The following DGKB variants were observed in gnomAD, a reference collection of about 807,000 sequenced individuals.
DGKB encodes 90 kDa diacylglycerol kinase.
Under a neutral mutation model 114.3 loss-of-function variants are expected in DGKB, and 67 were observed. The ratio of observed to expected loss-of-function variants is 0.59; its 90% CI spans 0.48 to 0.72. The LOEUF is 0.72. Ranked by LOEUF, DGKB falls within the 30% of genes least tolerant of loss-of-function variation. The pLI is 0.00. For missense variants in DGKB, 907 were observed against 975.2 expected, an observed-to-expected ratio of 0.93 and a Z score of 0.93; for synonymous variants, 398 against 323.1, an observed-to-expected ratio of 1.23 and a Z score of -2.49.
At chr7:14,878,766 A>AC (rs1320416506) in intron 1 of DGKB, among the ~76,000 whole-genome samples, 3 of 151,214 alleles carry the variant, frequency 2.0e-5, no homozygotes, top group East Asian at 3.9e-4. Flanking sequence ...AAAAAAAAAA[A>AC]AACAAAAAAA....
At chr7:14,219,148 T>C (rs975778824) in intron 23 of DGKB, among the ~76,000 whole-genome samples, 4 of 151,924 alleles carry the variant, frequency 2.6e-5, no homozygotes, top group Non-Finnish European at 5.9e-5. Flanking sequence ...GAATATACCA[T>C]ATTTTCTTTA....
At chr7:14,631,622 C>G (rs546813012) in intron 13 of DGKB, among the ~76,000 whole-genome samples, 64 of 152,080 alleles carry the variant, frequency 4.2e-4, no homozygotes, top group African/African-American at 1.5e-3. Context: ...TTTGGTAGAG[C>G]CTTTACTGAA....
chr7:14,965,362 G>A (rs1347510850), intron 1 of DGKB, among the ~76,000 whole-genome samples: 1 of 151,904 alleles, frequency 6.6e-6, no homozygotes, highest in Non-Finnish European at 1.5e-5. Context: ...TACGAGGAGG[G>A]GAATAGTTTT....
chr7:14,267,164 AG>A (rs532901476), intron 23 of DGKB, among the ~76,000 whole-genome samples: 71 of 152,342 alleles, frequency 4.7e-4, no homozygotes, highest in African/African-American at 1.6e-3. Context: ...TTTGACCAAA[AG>A]AAAAAAACAG....
intron 1 of DGKB, among the ~76,000 whole-genome samples, chr7:14,958,426 A>AACACACAC (rs754087921): frequency 0.054 from 6,657 of 122,734 alleles, 267 homozygotes; most frequent in East Asian, 0.15. Context: ...TACCTCTCCC[A>AACACACAC]ACACACACAC....
At chr7:14,616,131 C>G (rs1806461668) in intron 15 of DGKB, among the ~76,000 whole-genome samples, 1 of 150,054 alleles carries the variant, frequency 6.7e-6, no homozygotes, top group Middle Eastern at 3.5e-3. Flanking sequence ...AAATTCTACT[C>G]CATCACTACC....
chr7:14,741,992 TG>T, intron 4 of DGKB, among the ~76,000 whole-genome samples: 1 of 152,232 alleles, frequency 6.6e-6, no homozygotes, highest in Admixed American at 6.5e-5. Context: ...TCAACTGAAT[TG>T]TCTTCCTCCA....
At chr7:14,803,117 CTTATT>C (rs1842386593) in intron 2 of DGKB, among the ~76,000 whole-genome samples, 1 of 151,118 alleles carries the variant, frequency 6.6e-6, no homozygotes, top group Admixed American at 6.6e-5. Context: ...TACTCATTTA[CTTATT>C]TTAGAGACAG....
At chr7:14,335,424 G>T (rs1374632397) in intron 23 of DGKB, among the ~76,000 whole-genome samples, 1 of 151,882 alleles carries the variant, frequency 6.6e-6, no homozygotes, top group Non-Finnish European at 1.5e-5. Flanking sequence ...TAAAGTTTAT[G>T]AAAGCAAGTA....
At chr7:14,607,234 A>C (rs1292329887) in intron 17 of DGKB, among the ~76,000 whole-genome samples, 200 bp downstream of exon 17, 2 of 151,852 alleles carry the variant, frequency 1.3e-5, no homozygotes, top group African/African-American at 4.8e-5. Flanking sequence ...CAATATTTAG[A>C]AAGAAGAAAA....
At chr7:14,711,967 T>C (rs1371915015) in intron 6 of DGKB, among the ~76,000 whole-genome samples, 2 of 152,174 alleles carry the variant, frequency 1.3e-5, no homozygotes, top group South Asian at 2.1e-4. Context: ...CCTATACAAC[T>C]ACTACCATCA....
chr7:14,364,398 A>T (rs1336640193), intron 21 of DGKB, among the ~76,000 whole-genome samples: 1 of 140,128 alleles, frequency 7.1e-6, no homozygotes, highest in Non-Finnish European at 1.6e-5. Flanking sequence ...AAAGCAAAGG[A>T]AAAAAAAAGA....
intron 4 of DGKB, 50 bp downstream of exon 4, chr7:14,753,878 C>A (rs1425127545): frequency 1.8e-6 from 2 of 1,110,876 alleles, no homozygotes; most frequent in Non-Finnish European, 2.7e-6. Context: ...TAGATCATAT[C>A]AGAATAAAGA....
At chr7:14,635,669 AC>A (rs1000084389) in intron 13 of DGKB, among the ~76,000 whole-genome samples, 3 of 151,626 alleles carry the variant, frequency 2.0e-5, no homozygotes, top group African/African-American at 4.8e-5. Context: ...ATTAATAGAT[AC>A]CTATTTATGA....
chr7:14,371,690 T>C (rs1409982770), intron 21 of DGKB, among the ~76,000 whole-genome samples: 1 of 152,176 alleles, frequency 6.6e-6, no homozygotes, highest in East Asian at 1.9e-4. Context: ...TAGGTCCCAC[T>C]TGATAATTTT....
intron 1 of DGKB, among the ~76,000 whole-genome samples, chr7:14,958,676 C>A (rs60540005): frequency 3.9e-5 from 6 of 151,924 alleles, no homozygotes; most frequent in African/African-American, 1.4e-4. Context: ...CATATGACTG[C>A]GGGAGTATTA....
At position 14,791,499 on chromosome 7, in the gene DGKB, G is replaced by A. The variant is rs1586541340; in HGVS notation, c.71-33768C>T. Among the ~76,000 whole-genome samples the A allele has an allele frequency of 2.7e-5, 4 of 150,464 alleles. No individual in the cohort carries two copies. In the East Asian group the frequency reaches 7.8e-4, roughly 29 times the overall value. On this transcript the variant is annotated intron_variant, in intron 2 of 25. Coordinates refer to ENST00000402815, the MANE Select transcript of DGKB (RefSeq NM_001350709.2). ...TGGACATCTTTCTCTTCTTCCCAAT[G>A]TTTGCAGAAAAGCCTTCTTTTACCA... is the stretch of plus-strand genomic sequence containing the variant.
At chr7:14,210,529 A>C (rs1318642908) in intron 23 of DGKB, among the ~76,000 whole-genome samples, 2 of 152,104 alleles carry the variant, frequency 1.3e-5, no homozygotes, top group Non-Finnish European at 2.9e-5. Context: ...TGCCAGAATC[A>C]CAACAGAGCT....
At chr7:14,964,381 T>C (rs559544936) in intron 1 of DGKB, among the ~76,000 whole-genome samples, 1 of 152,204 alleles carries the variant, frequency 6.6e-6, no homozygotes, top group East Asian at 1.9e-4. Context: ...GCACCTGTGG[T>C]CCCAGCTACT....
Sources: allele counts gnomAD v4.1 joint callset (sites outside exome capture counted in the v4.1 genomes callset), GRCh38; gene constraint gnomAD v4.1.1; transcripts MANE v1.5; gene names NCBI Gene and HGNC (gene_info 2026-07-23, HGNC 2026-07-21).